Variants in NTN5 observed in about 807,000 individuals in gnomAD.
The protein encoded by NTN5 is netrin 5.
NTN5 carries 42 observed loss-of-function variants against 38.7 expected under a neutral mutation model. That is an observed-to-expected ratio of 1.08 (90% CI 0.85 to 1.40). The LOEUF is 1.40. NTN5 is among the 40% of genes most tolerant of loss of function. The pLI is 0.00. For synonymous variants in NTN5, 329 were observed against 303.9 expected (o/e 1.08, Z -0.86); for missense variants, 658 against 716.5 (o/e 0.92, Z 0.93).
Position 48,670,688 on chromosome 19 carries a change from C to T in NTN5, c.299G>A (p.Gly100Asp), listed in dbSNP as rs373276925. The T allele has an allele frequency of 2.5e-6, 4 of 1,610,072 alleles. No homozygotes were observed. The highest frequency in any genetic ancestry group is 1.7e-5 in the Admixed American group (1 of 59,516). ...CCTGTGCCACAGCAGCCTCCAGGGA[C>T]CCCCTGAGGCCCAGGCAGCAGACAG... ...LILSAAWASGGPWRLLWHRPA... is the reference protein window; with the variant it reads ...LILSAAWASGDPWRLLWHRPA... The change falls in exon 2 of 7, where the codon GGT becomes GAT. Residue 100 changes from glycine (G) to aspartate (D), a missense_variant. Transcript: ENST00000270235.
At chr19:48,664,547 T>TC in intron 3 of NTN5, 32 bp downstream of exon 3, 1 of 1,538,650 alleles carries the variant, frequency 6.5e-7, no homozygotes, top group Non-Finnish European at 8.8e-7. Flanking sequence ...CTACCTCTGC[T>TC]CCCCCCAGGC....
At position 48,663,561 on chromosome 19, in the gene NTN5, G is replaced by A; in HGVS notation, c.1025-18C>T. ...CTGAGGGTCTGGGGAGGGTCAGGCT[G>A]TCTGCAGTGGGCTCCTGGGGCCTAG... On this transcript the variant is annotated intron_variant, in intron 5 of 6. Coordinates refer to ENST00000270235, the MANE Select transcript of NTN5 (RefSeq NM_145807.4). 6.2e-7 allele frequency: 1 copy of A among 1,611,860 alleles called. No individual in the cohort carries two copies. The highest frequency in any genetic ancestry group is 8.5e-7 in the Non-Finnish European group (1 of 1,177,928).
At chr19:48,671,800 C>T (rs2031968483) in intron 1 of NTN5, among the ~76,000 whole-genome samples, 2 of 152,186 alleles carry the variant, frequency 1.3e-5, no homozygotes, top group African/African-American at 4.8e-5. Flanking sequence ...ACCAAACAAC[C>T]CAGCCTCCCT....
At chr19:48,664,846 G>T in intron 2 of NTN5, 79 bp from the exon 3 acceptor site, 3 of 1,287,078 alleles carry the variant, frequency 2.3e-6, no homozygotes, top group Non-Finnish European at 2.1e-6. Flanking sequence ...CCATGGCCCT[G>T]CCCTCATGAA....
At chr19:48,663,422 C>G (rs1246044822) in intron 6 of NTN5, 41 bp downstream of exon 6, 1 of 1,564,642 alleles carries the variant, frequency 6.4e-7, no homozygotes, top group Admixed American at 1.7e-5. Context: ...TCATCAGAAC[C>G]AGCTGTGTAG....
At position 48,661,618 on chromosome 19, in the gene NTN5, T is replaced by C; in HGVS notation, c.*59A>G. On this transcript the variant is annotated 3_prime_UTR_variant, in exon 7 of 7. Coordinates refer to ENST00000270235, the MANE Select transcript of NTN5 (RefSeq NM_145807.4). The stretch of plus-strand genomic sequence containing the variant: ...GCAGTGCACCGTCGAGGTAGAAGGC[T>C]CAGCTCCTAGTCGCTCCCAAATTAC... 3 of 1,435,748 alleles carry C rather than the reference T, an allele frequency of 2.1e-6. No homozygotes were observed. The highest frequency in any genetic ancestry group is 2.7e-6 in the Non-Finnish European group (3 of 1,098,890). The allele number at this position is 1,435,748 out of a possible 1,614,324, so 88.9% of individuals were successfully genotyped here.
At chr19:48,669,885 TCAC>T (rs1568452679) in intron 2 of NTN5, among the ~76,000 whole-genome samples, 50 of 69,312 alleles carry the variant, frequency 7.2e-4, no homozygotes, top group African/African-American at 2.6e-3. Context: ...ACCACTACCA[TCAC>T]CATCACCACC....
In NTN5 at chr19:48,670,964, A is replaced by T; in HGVS notation, c.23T>A (p.Leu8Gln). MPVTFAL[L>Q]LLLGQATADP... The stretch of plus-strand genomic sequence containing the variant: ...CGCAGTGGCCTGGCCCAGGAGGAGC[A>T]GGAGGGCAAAGGTCACGGGCATGGT... Residue 8 changes from leucine (L) to glutamine (Q), a missense_variant, in exon 2 of 7, where the codon CTG becomes CAG. Transcript: ENST00000270235. The T allele has an allele frequency of 3.9e-6, 6 of 1,543,154 alleles. No individual in the cohort carries two copies. Among genetic ancestry groups the T allele is most frequent in the Non-Finnish European group, 5.2e-6 (6 of 1,144,540 alleles).
chr19:48,662,145 G>A, intron 6 of NTN5, 104 bp from the exon 7 acceptor site: 1 of 1,214,972 alleles, frequency 8.2e-7, no homozygotes, highest in East Asian at 3.7e-5. Flanking sequence ...ACCGGTGGGT[G>A]GGCTTCTGGT....
Position 48,671,085 on chromosome 19 carries a change from G to A in NTN5, c.-20-79C>T. The stretch of plus-strand genomic sequence containing the variant: ...TCCTGGAGGTGTCCTGTGGAACTGG[G>A]GCATTCCACCCCCAACCCGTCCAGG... On this transcript the variant is annotated intron_variant, in intron 1 of 6. Coordinates refer to ENST00000270235, the MANE Select transcript of NTN5 (RefSeq NM_145807.4). The A allele has an allele frequency of 4.4e-6, 5 of 1,143,036 alleles. No homozygotes were observed. The African/African-American group carries it at 4.7e-5, about 11-fold the overall frequency. 70.8% of individuals were successfully genotyped at this position (1,143,036 alleles called of 1,614,324 possible).
At chr19:48,669,798 TCACCACCATCATCACCATCAC>T (rs2031878359) in intron 2 of NTN5, among the ~76,000 whole-genome samples, 1 of 52,450 alleles carries the variant, frequency 1.9e-5, no homozygotes, top group Non-Finnish European at 3.9e-5. Context: ...ACCATCACCA[TCACCACCATCATCACCATCAC>T]CACCACCACC....
At position 48,661,734 on chromosome 19, in the gene NTN5, G is replaced by T; in HGVS notation, c.1413C>A (p.Arg471=). 1.3e-6 allele frequency: 2 copies of T among 1,542,812 alleles called. No homozygotes were observed. The highest frequency in any genetic ancestry group is 1.7e-6 in the Non-Finnish European group (2 of 1,155,176). ...CCCGCACGCCGCGGCAGCCTCCGGC[G>T]CGCTCCTCCTGCTGCAGCCGCTTCA... The part of the protein sequence containing the change: ...RPLKRLQQEE[R]AGGCRGVRAP... Residue 471 remains arginine, a synonymous_variant, in exon 7 of 7, where the codon CGC becomes CGA. Transcript: ENST00000270235.
At position 48,661,495 on chromosome 19, in the gene NTN5, G is replaced by T; in HGVS notation, c.*182C>A. The T allele has an allele frequency of 1.6e-6, 1 of 618,616 alleles. No individual in the cohort carries two copies. The highest frequency in any genetic ancestry group is 2.4e-6 in the Non-Finnish European group (1 of 408,562). 38.3% of individuals were successfully genotyped at this position (618,616 alleles called of 1,614,324 possible). ...AAAGGAGGAAATGTTGGGACCAGAA[G>T]TCCCGCTTGCCGCCTTTTGCTAAAA... On this transcript the variant is annotated 3_prime_UTR_variant, in exon 7 of 7. Coordinates refer to ENST00000270235, the MANE Select transcript of NTN5 (RefSeq NM_145807.4).
intron 1 of NTN5, 144 bp downstream of exon 1, chr19:48,672,788 A>G (rs2031994670): frequency 6.3e-6 from 1 of 159,314 alleles, no homozygotes; most frequent in Admixed American, 6.4e-5. Flanking sequence ...CCCCTCTTTA[A>G]GAAAGAGTCC....
chr19:48,672,211 G>C (rs902750947), intron 1 of NTN5, among the ~76,000 whole-genome samples: 4 of 152,140 alleles, frequency 2.6e-5, no homozygotes, highest in African/African-American at 9.7e-5. Context: ...TGGGGTGCCA[G>C]ATGCCAGGGC....
Position 48,664,243 on chromosome 19 carries a change from G to C in NTN5, c.870C>G (p.Thr290=). ...CTAACTTGCAGGTGCACTGCCCACTGGTCTGGTTGCAGGTTCCTCCTGTTG... is the reference window on the plus strand; with the variant it reads ...CTAACTTGCAGGTGCACTGCCCACTCGTCTGGTTGCAGGTTCCTCCTGTTG... The part of the protein sequence containing the change: ...IGATGGTCNQ[T]SGQCTCKLGV... Residue 290 remains threonine, a synonymous_variant, in exon 4 of 7, where the codon ACC becomes ACG. Transcript: ENST00000270235. The C allele has an allele frequency of 6.2e-7, 1 of 1,612,944 alleles. No homozygotes were observed. The highest frequency in any genetic ancestry group is 2.2e-5 in the East Asian group (1 of 44,840).
At chr19:48,669,153 CCAT>C (rs771140131) in intron 2 of NTN5, among the ~76,000 whole-genome samples, 61 of 80,108 alleles carry the variant, frequency 7.6e-4, no homozygotes, top group South Asian at 1.3e-3. Context: ...ATCATCACCA[CCAT>C]CACCACCACC....
In NTN5 at chr19:48,670,983, G is replaced by A; in HGVS notation, c.4C>T (p.Pro2Ser). MPVTFALLLLLG... is the reference protein window; with the variant it reads MSVTFALLLLLG... ...AGGAGCAGGAGGGCAAAGGTCACGG[G>A]CATGGTCACAGCAGAGCCAGCACCT... Residue 2 changes from proline (P) to serine (S), a missense_variant, in exon 2 of 7, where the codon CCC becomes TCC. By Grantham distance (74) the Pro-to-Ser change is moderately conservative. Coordinates refer to ENST00000270235, the MANE Select transcript of NTN5 (RefSeq NM_145807.4). 1 of 1,530,400 alleles carries A rather than the reference G, an allele frequency of 6.5e-7. No individual in the cohort carries two copies. The highest frequency in any genetic ancestry group is 8.8e-7 in the Non-Finnish European group (1 of 1,139,366). The allele number at this position is 1,530,400 out of a possible 1,614,324, so 94.8% of individuals were successfully genotyped here.
At chr19:48,671,033 G>A in intron 1 of NTN5, 27 bp from the exon 2 acceptor site, 1 of 1,457,846 alleles carries the variant, frequency 6.9e-7, no homozygotes, top group Non-Finnish European at 9.1e-7. Flanking sequence ...TGGCTGGGCT[G>A]GGGATCTCAG....
Sources: gnomAD v4.1 joint callset for allele counts (sites outside exome capture counted in the v4.1 genomes callset) on GRCh38, gnomAD v4.1.1 for gene constraint, MANE v1.5 for transcripts, NCBI Gene and HGNC (gene_info 2026-07-23, HGNC 2026-07-21) for gene names.